Variants in RAI14 observed in about 807,000 individuals in gnomAD.
The protein encoded by RAI14 is retinoic acid induced 14.
In RAI14, 45 loss-of-function variants were observed where a neutral mutation model predicts 115.4. The ratio of observed to expected loss-of-function variants is 0.39; its 90% confidence interval spans 0.31 to 0.50. The LOEUF is 0.50. Among genes scored for constraint, RAI14 ranks in the 20% least tolerant of loss-of-function variants. The pLI is 0.85. For missense variants in RAI14, 939 were observed against 1,131.2 expected (o/e 0.83, Z 2.44); for synonymous variants, 371 against 415.4 (o/e 0.89, Z 1.30).
chr5:34,746,222 C>T (rs1447963100), intron 2 of RAI14, among the ~76,000 whole-genome samples: 1 of 151,610 alleles, frequency 6.6e-6, no homozygotes, highest in Non-Finnish European at 1.5e-5. Flanking sequence ...TCTCCTGCCT[C>T]AGCCTGCCAA....
intron 12 of RAI14, among the ~76,000 whole-genome samples, chr5:34,817,272 CAAAAA>C (rs34084798): frequency 3.4e-4 from 33 of 97,160 alleles, no homozygotes; most frequent in African/African-American, 9.4e-4. Flanking sequence ...CACTCCATCT[CAAAAA>C]AAAAAAAAAA....
At chr5:34,798,346 G>GT (rs57789035) in intron 4 of RAI14, among the ~76,000 whole-genome samples, 8,848 of 119,504 alleles carry the variant, frequency 0.074, 684 homozygotes, top group African/African-American at 0.21. Flanking sequence ...GCCAGAATAA[G>GT]TTTTTTTTTT....
chr5:34,720,657 A>G lies in RAI14; in HGVS notation c.36+33702A>G, dbSNP rs1300624013. Among the ~76,000 whole-genome samples, 8 of 151,444 alleles carry G rather than the reference A, an allele frequency of 5.3e-5. No individual in the cohort carries two copies. In the East Asian group the frequency reaches 9.8e-4, roughly 18 times the overall value. On this transcript the variant is annotated intron_variant, in intron 2 of 17. Transcript: ENST00000265109. ...GATCTCCTGACTTTGTGATCTGCCC[A>G]CCTCGGCCTCCCAAAGTGCTGGGAT... is the stretch of plus-strand genomic sequence containing the variant.
At chr5:34,737,133 C>T (rs10472936) in intron 2 of RAI14, among the ~76,000 whole-genome samples, 24,714 of 152,094 alleles carry the variant, frequency 0.16, 2,095 homozygotes, top group South Asian at 0.21. Context: ...CCATCTCCCC[C>T]GGCCCCTGGT....
intron 7 of RAI14, among the ~76,000 whole-genome samples, chr5:34,810,581 T>C (rs933532705): frequency 9.2e-5 from 14 of 152,194 alleles, no homozygotes; most frequent in East Asian, 7.7e-4. Context: ...TGGCAGGATA[T>C]ATAATGATTA....
chr5:34,711,748 A>C (rs1051054083), intron 2 of RAI14, among the ~76,000 whole-genome samples: 2 of 152,208 alleles, frequency 1.3e-5, no homozygotes, highest in African/African-American at 4.8e-5. Context: ...GTGATCTTGG[A>C]CTTCCCAGCC....
rs113659478 is a variant in RAI14 at position 34,829,087 on chromosome 5, A to G, written c.2800-645A>G. ...TCCTTGCAGTATTTACATTTAATGT[A>G]GCTGTATTTGCATAAGTATATGTAC... On this transcript the variant is annotated intron_variant, in intron 16 of 17. Coordinates refer to ENST00000265109, the MANE Select transcript of RAI14 (RefSeq NM_015577.3). Among the ~76,000 whole-genome samples the G allele has an allele frequency of 9.9e-3, 1,503 of 152,260 alleles. 10 individuals are homozygous for G. Among genetic ancestry groups the G allele is most frequent in the African/African-American group, 0.019 (769 of 41,524 alleles).
chr5:34,776,784 G>GT (rs2150146696), intron 3 of RAI14, among the ~76,000 whole-genome samples: 1 of 102,354 alleles, frequency 9.8e-6, no homozygotes, highest in South Asian at 2.7e-4. Flanking sequence ...TCCAGCCTGG[G>GT]TGACAGAGTG....
intron 16 of RAI14, among the ~76,000 whole-genome samples, 179 bp from the exon 17 acceptor site, chr5:34,829,553 C>CA (rs1220604099): frequency 1.3e-5 from 2 of 152,218 alleles, no homozygotes; most frequent in Admixed American, 1.3e-4. Context: ...AGATGATTGA[C>CA]AAGTATTCAG....
chr5:34,806,058 C>T (rs184152615), intron 5 of RAI14, among the ~76,000 whole-genome samples: 4 of 152,138 alleles, frequency 2.6e-5, no homozygotes, highest in Admixed American at 6.6e-5. Context: ...AGGAAGCTAA[C>T]GGGTTACTGT....
chr5:34,798,810 C>G (rs1753847405), intron 4 of RAI14, among the ~76,000 whole-genome samples: 1 of 152,174 alleles, frequency 6.6e-6, no homozygotes, highest in Non-Finnish European at 1.5e-5. Flanking sequence ...TGGATATTTC[C>G]CAGGATTCGC....
At chr5:34,666,964 C>T (rs936354779) in intron 1 of RAI14, among the ~76,000 whole-genome samples, 5 of 152,038 alleles carry the variant, frequency 3.3e-5, no homozygotes, top group East Asian at 1.9e-4. Flanking sequence ...CAGTACAAGG[C>T]GACTGTTAGT....
At chr5:34,824,600 A>G in intron 15 of RAI14, 109 bp downstream of exon 15, 1 of 893,138 alleles carries the variant, frequency 1.1e-6, no homozygotes, top group Non-Finnish European at 1.6e-6. Context: ...GTGAATGCTC[A>G]GAGGCTCTGC....
intron 3 of RAI14, among the ~76,000 whole-genome samples, chr5:34,765,964 G>C (rs982413899): frequency 1.3e-5 from 2 of 152,266 alleles, no homozygotes; most frequent in Non-Finnish European, 2.9e-5. Flanking sequence ...AACTTGGGCT[G>C]TGGCTTCAGA....
At chr5:34,680,979 G>T (rs913921352) in intron 1 of RAI14, among the ~76,000 whole-genome samples, 2 of 152,192 alleles carry the variant, frequency 1.3e-5, no homozygotes, top group Non-Finnish European at 2.9e-5. Context: ...GGGCAAGAGG[G>T]AACAGTACCC....
chr5:34,767,134 A>G (rs920843057), intron 3 of RAI14, among the ~76,000 whole-genome samples: 2 of 152,234 alleles, frequency 1.3e-5, no homozygotes, highest in Non-Finnish European at 2.9e-5. Context: ...AAAACAGACT[A>G]ATACAATTGC....
At chr5:34,698,291 T>A (rs1739588688) in intron 2 of RAI14, among the ~76,000 whole-genome samples, 1 of 149,288 alleles carries the variant, frequency 6.7e-6, no homozygotes, top group Admixed American at 6.7e-5. Flanking sequence ...AGCATCATCA[T>A]GAGGATTAGG....
chr5:34,657,639 C>T (rs1164860016), intron 1 of RAI14, among the ~76,000 whole-genome samples: 2 of 152,218 alleles, frequency 1.3e-5, no homozygotes, highest in Non-Finnish European at 1.5e-5. Flanking sequence ...CGTCTTCCTT[C>T]CGGGAGAGGA....
chr5:34,773,157 C>T (rs1319507188), intron 3 of RAI14, among the ~76,000 whole-genome samples: 5 of 152,074 alleles, frequency 3.3e-5, no homozygotes, highest in Admixed American at 6.6e-5. Context: ...TGGCAAAAAA[C>T]GATGGTGTGA....
Sources: gnomAD v4.1 joint callset for allele counts (sites outside exome capture counted in the v4.1 genomes callset) on GRCh38, gnomAD v4.1.1 for gene constraint, MANE v1.5 for transcripts, NCBI Gene and HGNC (gene_info 2026-07-23, HGNC 2026-07-21) for gene names.